GUCY2C: variants seen among roughly 807,000 people sequenced by gnomAD.
The protein encoded by GUCY2C is guanylate cyclase 2C.
Under a neutral mutation model 131.1 loss-of-function variants are expected in GUCY2C, and 118 were observed. The observed-to-expected ratio is 0.90, with a 90% confidence interval of 0.78 to 1.05. The LOEUF is 1.05. GUCY2C is among the 50% of genes least tolerant of loss of function. The pLI is 0.00. For synonymous variants in GUCY2C, 452 were observed against 457.8 expected (o/e 0.99, Z 0.16); for missense variants, 1,161 against 1,304.4 (o/e 0.89, Z 1.69).
intron 19 of GUCY2C, 102 bp downstream of exon 19, chr12:14,639,760 T>C: frequency 1.3e-6 from 1 of 743,616 alleles, no homozygotes; most frequent in Non-Finnish European, 2.3e-6. Flanking sequence ...AGACTTCTAG[T>C]CTCCAGAACC....
intron 15 of GUCY2C, among the ~76,000 whole-genome samples, chr12:14,648,121 C>T (rs773488220): frequency 3.3e-5 from 5 of 151,982 alleles, no homozygotes; most frequent in South Asian, 2.1e-4. Flanking sequence ...CCATCATGCC[C>T]GGCTAATTTT....
At chr12:14,614,300 T>C (rs1015779364) in intron 26 of GUCY2C, among the ~76,000 whole-genome samples, 5 of 152,168 alleles carry the variant, frequency 3.3e-5, no homozygotes, top group Non-Finnish European at 7.4e-5. Context: ...TAGAAGCTCA[T>C]ACCCAGACTC....
intron 22 of GUCY2C, 54 bp from the exon 23 acceptor site, chr12:14,621,270 T>A: frequency 6.9e-7 from 1 of 1,448,916 alleles, no homozygotes; most frequent in South Asian, 1.2e-5. Context: ...GTATAGAAAG[T>A]AAACAGAAGC....
intron 6 of GUCY2C, among the ~76,000 whole-genome samples, chr12:14,678,159 T>C (rs1014155581): frequency 2.0e-5 from 3 of 152,184 alleles, no homozygotes; most frequent in Admixed American, 1.3e-4. Flanking sequence ...AGAACTGTAT[T>C]GGATATTTTA....
chr12:14,643,923 G>A (rs1204964724), intron 16 of GUCY2C, among the ~76,000 whole-genome samples: 2 of 152,144 alleles, frequency 1.3e-5, no homozygotes, highest in Non-Finnish European at 2.9e-5. Flanking sequence ...AAATGACAGA[G>A]TAAAAGGGAA....
At position 14,659,233 on chromosome 12, in the gene GUCY2C, T is replaced by C. The variant is rs149078447; in HGVS notation, c.1364+1748A>G. Reference sequence around the variant, plus strand: ...TAATTTTTTGTATTTTTAGTAGAGATGGAGTTTCACCATGTTGGCCAGGCT... The same window carrying C: ...TAATTTTTTGTATTTTTAGTAGAGACGGAGTTTCACCATGTTGGCCAGGCT... On this transcript the variant is annotated intron_variant, in intron 11 of 26. Transcript: ENST00000261170. Among the ~76,000 whole-genome samples, 4 of 152,160 alleles carry C rather than the reference T, an allele frequency of 2.6e-5. No individual in the cohort carries two copies. In the East Asian group the frequency reaches 7.7e-4, roughly 29 times the overall value.
At chr12:14,664,141 A>G (rs938246301) in intron 10 of GUCY2C, among the ~76,000 whole-genome samples, 9 of 152,138 alleles carry the variant, frequency 5.9e-5, no homozygotes, top group African/African-American at 2.2e-4. Context: ...GAAAATGTGA[A>G]CTTTGGATTT....
intron 25 of GUCY2C, among the ~76,000 whole-genome samples, chr12:14,615,301 A>G (rs1421631697): frequency 6.6e-6 from 1 of 152,044 alleles, no homozygotes; most frequent in Non-Finnish European, 1.5e-5. Context: ...AACAAATCCA[A>G]CTGGTTGTCA....
intron 9 of GUCY2C, chr12:14,672,203 T>C (rs890626074): frequency 2.0e-5 from 3 of 152,246 alleles, no homozygotes; most frequent in Non-Finnish European, 2.9e-5. Context: ...CAACATTGGA[T>C]GACATGAAGA....
At chr12:14,614,225 A>G (rs894129738) in intron 26 of GUCY2C, among the ~76,000 whole-genome samples, 8 of 152,128 alleles carry the variant, frequency 5.3e-5, no homozygotes, top group Admixed American at 2.0e-4. Context: ...GCAGGGCAAT[A>G]TAGTCAGTTT....
chr12:14,692,576 G>A (rs1379955402), intron 1 of GUCY2C, among the ~76,000 whole-genome samples: 5 of 152,034 alleles, frequency 3.3e-5, no homozygotes, highest in Non-Finnish European at 7.4e-5. Context: ...GGCCAGGTGC[G>A]GTGGCTCACG....
At chr12:14,653,411 A>T (rs1947705224) in intron 12 of GUCY2C, among the ~76,000 whole-genome samples, 1 of 152,250 alleles carries the variant, frequency 6.6e-6, no homozygotes, top group South Asian at 2.1e-4. Context: ...GTAGCAATGC[A>T]AATGATAAAA....
At chr12:14,685,479 G>C (rs1948450852) in intron 3 of GUCY2C, among the ~76,000 whole-genome samples, 1 of 152,202 alleles carries the variant, frequency 6.6e-6, no homozygotes, top group Non-Finnish European at 1.5e-5. Flanking sequence ...TTCAGGGTCA[G>C]ATTGAACAGG....
chr12:14,665,602 G>A (rs1947962478), intron 10 of GUCY2C: 2 of 152,278 alleles, frequency 1.3e-5, no homozygotes, highest in South Asian at 4.1e-4. Flanking sequence ...AATGCAGGAA[G>A]TCAGTTTGAC....
At chr12:14,624,464 TAAATA>T (rs1214567113) in intron 21 of GUCY2C, among the ~76,000 whole-genome samples, 1 of 151,624 alleles carries the variant, frequency 6.6e-6, no homozygotes, top group Non-Finnish European at 1.5e-5. Flanking sequence ...ATTAATTAAT[TAAATA>T]AAATAAAAAT....
At chr12:14,679,821 T>A in intron 5 of GUCY2C, 68 bp from the exon 6 acceptor site, 2 of 780,746 alleles carry the variant, frequency 2.6e-6, no homozygotes, top group South Asian at 3.0e-5. Flanking sequence ...AGGGAACCAG[T>A]TGCCTGAATT....
chr12:14,623,631 C>T (rs1946941932), intron 21 of GUCY2C, among the ~76,000 whole-genome samples: 1 of 152,192 alleles, frequency 6.6e-6, no homozygotes, highest in Non-Finnish European at 1.5e-5. Context: ...GGCTCCGTGT[C>T]CCCACCCAAA....
At chr12:14,692,753 G>T (rs1272239270) in intron 1 of GUCY2C, among the ~76,000 whole-genome samples, 1 of 152,164 alleles carries the variant, frequency 6.6e-6, no homozygotes, top group Non-Finnish European at 1.5e-5. Flanking sequence ...GGAGGCTGAG[G>T]CAGGAGAATC....
At chr12:14,640,275 G>A (rs906720618) in intron 18 of GUCY2C, among the ~76,000 whole-genome samples, 2 of 151,954 alleles carry the variant, frequency 1.3e-5, no homozygotes, top group African/African-American at 4.8e-5. Context: ...TGGGCAACAT[G>A]GTGAAACCCC....
Sources: gnomAD v4.1 joint callset for allele counts (sites outside exome capture counted in the v4.1 genomes callset) on GRCh38, gnomAD v4.1.1 for gene constraint, MANE v1.5 for transcripts, NCBI Gene and HGNC (gene_info 2026-07-23, HGNC 2026-07-21) for gene names.